WNT8A: variants seen among roughly 807,000 people sequenced by gnomAD.
WNT8A encodes protein Wnt-8a.
WNT8A carries 14 observed loss-of-function variants against 20.5 expected under a neutral mutation model. The observed-to-expected ratio is 0.68, with a 90% CI of 0.45 to 1.07. The LOEUF is 1.07. WNT8A is among the 50% of genes least tolerant of loss of function. The pLI is 0.00. For missense variants in WNT8A, 397 were observed against 462.9 expected, an observed-to-expected ratio of 0.86 and a Z score of 1.31; for synonymous variants, 167 against 169.2, an observed-to-expected ratio of 0.99 and a Z score of 0.10.
intron 2 of WNT8A, among the ~76,000 whole-genome samples, chr5:138,086,028 C>G (rs905531166): frequency 6.6e-6 from 1 of 151,994 alleles, no homozygotes; most frequent in African/African-American, 2.4e-5. Context: ...ATGGCCCAAA[C>G]TTCCCAGTCA....
At chr5:138,086,437 C>T (rs938437041) in intron 2 of WNT8A, among the ~76,000 whole-genome samples, 3 of 151,648 alleles carry the variant, frequency 2.0e-5, no homozygotes, top group African/African-American at 7.3e-5. Context: ...AGGCTGGTCT[C>T]GAACTCCTGA....
At position 138,091,321 on chromosome 5, in the gene WNT8A, T is replaced by A; in HGVS notation, c.*248T>A. On this transcript the variant is annotated 3_prime_UTR_variant, in exon 5 of 5. Coordinates refer to ENST00000506684, the MANE Select transcript of WNT8A (RefSeq NM_001300939.2). ...ATTTCATCTTTCCTGCAAACTACTT[T>A]CCCATCTTTGTGCCTGTACTTATGC... 1.3e-6 allele frequency: 2 copies of A among 1,498,752 alleles called. No individual in the cohort carries two copies. Among genetic ancestry groups the A allele is most frequent in the South Asian group, 2.2e-5 (2 of 89,230 alleles). 92.8% of individuals were successfully genotyped at this position (1,498,752 alleles called of 1,614,324 possible). A position where few individuals can be genotyped will look rare whatever the true frequency, so the allele number is the denominator to read the frequency against.
rs901413383 is a variant in WNT8A, at chr5:138,091,009, T to A, written c.1046T>A (p.Val349Glu). ...TVKCDQCRHV[V>E]SKYYCARSPG... is the part of the protein sequence containing the mutation. ...AAGTGTGACCAGTGTAGGCATGTGGTGAGCAAGTATTACTGCGCACGCTCC... is the reference window on the plus strand; with the variant it reads ...AAGTGTGACCAGTGTAGGCATGTGGAGAGCAAGTATTACTGCGCACGCTCC... The change falls in exon 5 of 5, where the codon GTG becomes GAG. Residue 349 changes from valine to glutamate, a missense_variant. Coordinates refer to ENST00000506684, the MANE Select transcript of WNT8A (RefSeq NM_001300939.2). 2 of 1,614,098 alleles carry A rather than the reference T, an allele frequency of 1.2e-6. No individual in the cohort carries two copies. The highest frequency in any genetic ancestry group is 1.7e-6 in the Non-Finnish European group (2 of 1,179,996).
the WNT8A span, among the ~76,000 whole-genome samples, chr5:138,077,400 TTC>T: frequency 1.3e-5 from 2 of 152,072 alleles, no homozygotes; most frequent in Non-Finnish European, 2.9e-5. Context: ...TAATTTAAAC[TTC>T]TCTCTCTCTC....
At chr5:138,086,393 T>C (rs1422687656) in intron 2 of WNT8A, among the ~76,000 whole-genome samples, 1 of 151,936 alleles carries the variant, frequency 6.6e-6, no homozygotes, top group African/African-American at 2.4e-5. Context: ...AATTTTTGTA[T>C]TTTTTGTAGA....
At chr5:138,080,585 G>A (rs1750485808), upstream of WNT8A, among the ~76,000 whole-genome samples, 1 of 150,602 alleles carries the variant, frequency 6.6e-6, no homozygotes, top group South Asian at 2.1e-4. Flanking sequence ...TGGGATTACA[G>A]AATTACAGGA....
In WNT8A at chr5:138,090,894, C is replaced by G. The variant is rs942633674; in HGVS notation, c.931C>G (p.Leu311Val). The change falls in exon 5 of 5, where the codon CTG (leucine) becomes GTG (valine). Residue 311 changes from leucine (L) to valine (V), a missense_variant. Physicochemically the swap from Leu to Val is conservative, Grantham distance 32. Coordinates refer to ENST00000506684, the MANE Select transcript of WNT8A (RefSeq NM_001300939.2). Reference protein sequence around the residue: ...SRWERRSCGRLCTECGLQVEE... With the variant: ...SRWERRSCGRVCTECGLQVEE... ...GTGGGAGCGACGTAGCTGTGGGCGC[C>G]TGTGCACTGAGTGTGGGCTGCAGGT... is the stretch of plus-strand genomic sequence containing the variant. The G allele has an allele frequency of 8.1e-6, 13 of 1,614,098 alleles. No homozygotes were observed. Among genetic ancestry groups the G allele is most frequent in the Non-Finnish European group, 1.1e-5 (13 of 1,180,056 alleles).
chr5:138,080,441 C>CTTTTTTTTTTT (rs1554086762), upstream of WNT8A, among the ~76,000 whole-genome samples: 1 of 56,370 alleles, frequency 1.8e-5, no homozygotes, highest in Non-Finnish European at 3.5e-5. Context: ...CTCTGTAAAT[C>CTTTTTTTTTTT]TTGTTTTTTT....
chr5:138,083,063 C>G (rs957753472), upstream of WNT8A, among the ~76,000 whole-genome samples: 1 of 152,078 alleles, frequency 6.6e-6, no homozygotes, highest in Admixed American at 6.6e-5. Context: ...GGGCAGATCA[C>G]TTGAGCCCAG....
chr5:138,080,770 T>C (rs1750492116), upstream of WNT8A, among the ~76,000 whole-genome samples: 1 of 152,070 alleles, frequency 6.6e-6, no homozygotes, highest in Non-Finnish European at 1.5e-5. Context: ...CCAGCCCAGC[T>C]GGGAAAGTCT....
Position 138,084,609 on chromosome 5 carries a change from C to T in WNT8A, c.268C>T (p.Leu90Phe), listed in dbSNP as rs371309246. 3.1e-6 allele frequency: 5 copies of T among 1,612,168 alleles called. No homozygotes were observed. Among genetic ancestry groups the T allele is most frequent in the Non-Finnish European group, 4.2e-6 (5 of 1,178,954 alleles). ...RWNCPENALQ[L>F]STHNRLRSAT... ...GAACTGCCCTGAAAATGCTCTTCAG[C>T]TCTCCACCCACAACAGGCTGAGAAG... Residue 90 changes from leucine (L) to phenylalanine (F), a missense_variant, in exon 2 of 5, where the codon CTC becomes TTC. Physicochemically the swap from Leu to Phe is conservative, Grantham distance 22. Coordinates refer to ENST00000506684, the MANE Select transcript of WNT8A (RefSeq NM_001300939.2).
upstream of WNT8A, chr5:138,084,029 TCTC>T (rs1488464404): frequency 6.7e-7 from 1 of 1,503,678 alleles, no homozygotes; most frequent in Non-Finnish European, 9.1e-7. Flanking sequence ...GACCCTGCCC[TCTC>T]CTCACTTCTC....
upstream of WNT8A, among the ~76,000 whole-genome samples, chr5:138,081,167 A>G (rs1750501551): frequency 6.6e-6 from 1 of 150,450 alleles, no homozygotes; most frequent in South Asian, 2.1e-4. Context: ...CGGAGCTTGC[A>G]GTGAGCGGAG....
upstream of WNT8A, chr5:138,083,922 G>A (rs1315255291): frequency 9.8e-6 from 6 of 610,174 alleles, no homozygotes; most frequent in South Asian, 3.3e-5. Context: ...CCACTGGGCC[G>A]GTGGCTCCTG....
chr5:138,078,496 C>G, the WNT8A span, among the ~76,000 whole-genome samples: 1 of 152,124 alleles, frequency 6.6e-6, no homozygotes, highest in Non-Finnish European at 1.5e-5. Context: ...TGCTGAGGAT[C>G]GAAGGATTTG....
intron 1 of WNT8A, 89 bp from the exon 2 acceptor site, chr5:138,084,409 G>A: frequency 6.5e-7 from 1 of 1,549,308 alleles, no homozygotes; most frequent in South Asian, 1.2e-5. Context: ...ATTCTTAATG[G>A]AGAGCTGGCC....
intron 3 of WNT8A, among the ~76,000 whole-genome samples, chr5:138,088,445 CT>C (rs1311166436): frequency 6.6e-5 from 10 of 151,888 alleles, no homozygotes; most frequent in Non-Finnish European, 1.0e-4. Flanking sequence ...CAAACTCCAC[CT>C]CCCAGGTTCA....
At chr5:138,078,587 T>C in the WNT8A span, among the ~76,000 whole-genome samples, 2 of 152,200 alleles carry the variant, frequency 1.3e-5, no homozygotes, top group Non-Finnish European at 2.9e-5. Context: ...CCAGCTATCC[T>C]GGTTTGCTCA....
At chr5:138,084,677 G>A (rs1750603957) in intron 2 of WNT8A, 41 bp downstream of exon 2, 1 of 1,561,428 alleles carries the variant, frequency 6.4e-7, no homozygotes, top group East Asian at 2.3e-5. Context: ...GGGTATATAT[G>A]TGAATGGAGT....
Sources: allele counts gnomAD v4.1 joint callset (sites outside exome capture counted in the v4.1 genomes callset), GRCh38; gene constraint gnomAD v4.1.1; transcripts MANE v1.5; gene names NCBI Gene and HGNC (gene_info 2026-07-23, HGNC 2026-07-21).